The following STARD13 variants were observed in gnomAD, a reference collection of about 807,000 sequenced individuals.
STARD13 encodes the protein StAR related lipid transfer domain containing 13, also known as stAR-related lipid transfer protein 13.
STARD13 carries 62 observed loss-of-function variants against 106.4 expected under a neutral mutation model. The observed-to-expected ratio is 0.58, with a 90% CI of 0.48 to 0.72. The LOEUF (loss-of-function observed/expected upper bound fraction) is 0.72. STARD13 is among the 30% of genes least tolerant of loss of function. The probability of loss-of-function intolerance (pLI) is 0.00; values close to 1 mark genes in which losing one functional copy is unlikely to be tolerated. For missense variants in STARD13, 1,387 were observed against 1,424.0 expected, an observed-to-expected ratio of 0.97 and a Z score of 0.42; for synonymous variants, 565 against 553.0, an observed-to-expected ratio of 1.02 and a Z score of -0.31.
At chr13:33,538,771 ATTT>A in the STARD13 span, among the ~76,000 whole-genome samples, 1 of 143,064 alleles carries the variant, frequency 7.0e-6, no homozygotes. Context: ...AAACTATTTA[ATTT>A]TTTTTTTTTT....
the STARD13 span, among the ~76,000 whole-genome samples, chr13:33,483,578 A>G: frequency 1.3e-5 from 2 of 152,204 alleles, no homozygotes; most frequent in African/African-American, 4.8e-5. Flanking sequence ...CAAGGGATGG[A>G]AACTCACCAG....
chr13:33,191,659 G>A (rs1222689119), intron 1 of STARD13, among the ~76,000 whole-genome samples: 3 of 152,216 alleles, frequency 2.0e-5, no homozygotes, highest in Non-Finnish European at 1.5e-5. Flanking sequence ...TGGTTGATGA[G>A]CTCTAATCCA....
chr13:33,396,458 C>T, the STARD13 span, among the ~76,000 whole-genome samples: 1 of 152,190 alleles, frequency 6.6e-6, no homozygotes, highest in African/African-American at 2.4e-5. Context: ...TTACTGGCTT[C>T]GGTGCAGACA....
intron 1 of STARD13, among the ~76,000 whole-genome samples, chr13:33,216,076 G>A (rs907547051): frequency 2.0e-5 from 3 of 152,082 alleles, no homozygotes; most frequent in Admixed American, 1.3e-4. Flanking sequence ...AGATGTTGGC[G>A]TGGATGCGAT....
At chr13:33,335,566 C>G (rs900807815) in intron 1 of STARD13, among the ~76,000 whole-genome samples, 4 of 152,246 alleles carry the variant, frequency 2.6e-5, no homozygotes, top group Non-Finnish European at 4.4e-5. Flanking sequence ...GCCTTGCACA[C>G]GCCACTTAAC....
the STARD13 span, among the ~76,000 whole-genome samples, chr13:33,414,047 A>AAAAAAAAAAAAAAAAG: frequency 1.5e-4 from 22 of 143,702 alleles, no homozygotes; most frequent in East Asian, 1.3e-3. Flanking sequence ...AAAAAAAAAA[A>AAAAAAAAAAAAAAAAG]AAAGAAAAGA....
At chr13:33,647,371 T>A in the STARD13 span, among the ~76,000 whole-genome samples, 3 of 152,234 alleles carry the variant, frequency 2.0e-5, no homozygotes, top group African/African-American at 7.2e-5. Flanking sequence ...TATTTAATAT[T>A]TAGGGCTAAG....
the STARD13 span, among the ~76,000 whole-genome samples, chr13:33,539,372 C>G: frequency 1.3e-5 from 2 of 152,252 alleles, no homozygotes; most frequent in Non-Finnish European, 2.9e-5. Flanking sequence ...CATTCAAAAT[C>G]CCAGCAGATG....
intron 7 of STARD13, among the ~76,000 whole-genome samples, chr13:33,118,984 T>G (rs1467932157): frequency 6.6e-6 from 1 of 152,142 alleles, no homozygotes; most frequent in Admixed American, 6.5e-5. Context: ...TATTGTCATA[T>G]CATGCCTTTT....
the STARD13 span, among the ~76,000 whole-genome samples, chr13:33,643,099 C>T: frequency 6.6e-6 from 1 of 151,476 alleles, no homozygotes; most frequent in African/African-American, 2.4e-5. Flanking sequence ...AAATGCATTG[C>T]TGTACCTTGA....
the STARD13 span, among the ~76,000 whole-genome samples, chr13:33,434,280 G>C: frequency 3.3e-5 from 5 of 149,574 alleles, no homozygotes; most frequent in South Asian, 2.1e-4. Flanking sequence ...TTGAACCCAG[G>C]GGGTGGAGGT....
chr13:33,446,685 C>T, the STARD13 span, among the ~76,000 whole-genome samples: 12 of 151,956 alleles, frequency 7.9e-5, no homozygotes, highest in Non-Finnish European at 1.8e-4. Flanking sequence ...TGTATATTAG[C>T]GTTCATGTAT....
At chr13:33,164,198 T>C (rs1883068894) in intron 3 of STARD13, 1 of 152,226 alleles carries the variant, frequency 6.6e-6, no homozygotes, top group Non-Finnish European at 1.5e-5. Flanking sequence ...TCAGAGATCA[T>C]TTCTTAACAC....
At chr13:33,533,700 G>A in the STARD13 span, among the ~76,000 whole-genome samples, 279 of 152,216 alleles carry the variant, frequency 1.8e-3, no homozygotes, top group African/African-American at 6.2e-3. Flanking sequence ...TTAAACCAAA[G>A]CCTTTGCTTA....
the STARD13 span, among the ~76,000 whole-genome samples, chr13:33,575,201 C>A: frequency 6.6e-6 from 1 of 152,114 alleles, no homozygotes; most frequent in African/African-American, 2.4e-5. Flanking sequence ...CAGGCTTGAA[C>A]CACTGCGCCC....
intron 1 of STARD13, among the ~76,000 whole-genome samples, chr13:33,269,990 C>A (rs1371897005): frequency 6.6e-6 from 1 of 152,188 alleles, no homozygotes; most frequent in Non-Finnish European, 1.5e-5. Context: ...AATCCCCGCA[C>A]TTTGGGAGGC....
At chr13:33,272,404 A>G (rs2138363522) in intron 1 of STARD13, 1 of 152,316 alleles carries the variant, frequency 6.6e-6, no homozygotes, top group Non-Finnish European at 1.5e-5. Context: ...CTGCATAAGT[A>G]TATTGTTACT....
chr13:33,641,115 G>A, the STARD13 span, among the ~76,000 whole-genome samples: 1 of 152,214 alleles, frequency 6.6e-6, no homozygotes, highest in African/African-American at 2.4e-5. Flanking sequence ...CAAAGCCTGT[G>A]TGTCTAGATC....
At chr13:33,532,260 T>C in the STARD13 span, among the ~76,000 whole-genome samples, 1 of 152,208 alleles carries the variant, frequency 6.6e-6, no homozygotes, top group Admixed American at 6.5e-5. Context: ...GTTACCTTAT[T>C]TTCTTTTAGC....
Sources: allele counts gnomAD v4.1 joint callset (sites outside exome capture counted in the v4.1 genomes callset), GRCh38; gene constraint gnomAD v4.1.1; transcripts MANE v1.5; gene names NCBI Gene and HGNC (gene_info 2026-07-23, HGNC 2026-07-21).